Variants in CNKSR2 observed in about 807,000 individuals in gnomAD.
The protein encoded by CNKSR2 is CNK homolog protein 2.
In CNKSR2, 14 loss-of-function variants were observed where a neutral mutation model predicts 84.4. The observed-to-expected ratio is 0.17, with a 90% CI of 0.11 to 0.26. The LOEUF (loss-of-function observed/expected upper bound fraction) is 0.26. CNKSR2 is among the 10% of genes least tolerant of loss of function. The probability of loss-of-function intolerance (pLI) is 1.00; values close to 1 mark genes in which losing one functional copy is unlikely to be tolerated. For missense variants in CNKSR2, 485 were observed against 771.2 expected (o/e 0.63, Z 4.40); for synonymous variants, 275 against 277.9 (o/e 0.99, Z 0.10).
intron 1 of CNKSR2, 108 bp from the exon 2 acceptor site, chrX:21,426,389 G>C: frequency 1.4e-6 from 1 of 719,771 alleles, no homozygotes; most frequent in Non-Finnish European, 2.1e-6. Context: ...AGTTAAAATG[G>C]ACTTAATTTG....
chrX:21,451,794 C>T (rs1048121169), intron 4 of CNKSR2, among the ~76,000 whole-genome samples: 19 of 107,901 alleles, frequency 1.8e-4, no homozygotes, highest in South Asian at 8.4e-4. Context: ...CACATGTATA[C>T]GTATGTAACT....
At chrX:21,482,648 C>T (rs1249381574) in intron 5 of CNKSR2, among the ~76,000 whole-genome samples, 1 of 112,011 alleles carries the variant, frequency 8.9e-6, no homozygotes, top group Non-Finnish European at 1.9e-5. Context: ...GTCATTGCTT[C>T]TTTTCTGTTA....
At chrX:21,456,364 T>C (rs2090995380) in intron 4 of CNKSR2, among the ~76,000 whole-genome samples, 1 of 111,535 alleles carries the variant, frequency 9.0e-6, no homozygotes, top group Admixed American at 9.5e-5. Flanking sequence ...TTGACCATTA[T>C]CTCCTCCCAC....
At chrX:21,585,890 G>T (rs751466089) in intron 13 of CNKSR2, among the ~76,000 whole-genome samples, 1 of 111,727 alleles carries the variant, frequency 9.0e-6, no homozygotes, top group South Asian at 3.7e-4. Flanking sequence ...TAGAGAATTG[G>T]ACTTCAAAAA....
chrX:21,501,598 ATTAAC>A lies in CNKSR2; in HGVS notation c.810+15_810+19del. The A allele has an allele frequency of 1.9e-6, 2 of 1,072,071 alleles. No individual in the cohort carries two copies. The highest frequency in any genetic ancestry group is 2.5e-6 in the Non-Finnish European group (2 of 788,729). 88.4% of individuals were successfully genotyped at this position (1,072,071 alleles called of 1,213,427 possible). A position where few individuals can be genotyped will look rare whatever the true frequency, so the allele number is the denominator to read the frequency against. On this transcript the variant is annotated intron_variant, in intron 8 of 21. Coordinates refer to ENST00000379510, the MANE Select transcript of CNKSR2 (RefSeq NM_014927.5). ...TAATCATCAGACTGTGGTATGTATA[ATTAAC>A]TTAAGAGTCAGTGGGAGGAACTAAT...
intron 4 of CNKSR2, among the ~76,000 whole-genome samples, chrX:21,467,606 A>G (rs758151943): frequency 8.9e-6 from 1 of 111,860 alleles, no homozygotes; most frequent in Non-Finnish European, 1.9e-5. Context: ...CGTAAGTGCT[A>G]CAACCTTACC....
chrX:21,624,856 A>T (rs2092616324), intron 20 of CNKSR2, among the ~76,000 whole-genome samples: 2 of 112,431 alleles, frequency 1.8e-5, no homozygotes, highest in African/African-American at 6.5e-5. Context: ...AAAATCAGAG[A>T]TTATCTTAAA....
At chrX:21,508,265 G>A (rs2091634692) in intron 8 of CNKSR2, among the ~76,000 whole-genome samples, 1 of 112,329 alleles carries the variant, frequency 8.9e-6, no homozygotes, top group African/African-American at 3.2e-5. Context: ...AGAAATTCAA[G>A]GTTGCAGAGG....
At chrX:21,475,174 A>T (rs1461852745) in intron 5 of CNKSR2, among the ~76,000 whole-genome samples, 1 of 111,774 alleles carries the variant, frequency 8.9e-6, no homozygotes, top group East Asian at 2.8e-4. Flanking sequence ...ATTTTAGAGT[A>T]ACTGACGGAG....
intron 1 of CNKSR2, among the ~76,000 whole-genome samples, chrX:21,386,018 CAAAAAAAA>C (rs1179082753): frequency 2.4e-4 from 5 of 20,457 alleles, no homozygotes; most frequent in South Asian, 3.4e-3. Context: ...TGGATGTAGG[CAAAAAAAA>C]AAAAAAAAAA....
At chrX:21,380,231 A>T (rs910242028) in intron 1 of CNKSR2, among the ~76,000 whole-genome samples, 1 of 112,087 alleles carries the variant, frequency 8.9e-6, no homozygotes, top group Admixed American at 9.4e-5. Flanking sequence ...CAGCTGTTTC[A>T]AATCTGTTTT....
chrX:21,438,987 A>G (rs2090747449), intron 3 of CNKSR2, among the ~76,000 whole-genome samples: 1 of 111,632 alleles, frequency 9.0e-6, no homozygotes, highest in Non-Finnish European at 1.9e-5. Context: ...AGACAAATCC[A>G]CAGTTGTAGA....
chrX:21,399,862 G>A (rs1012775076), intron 1 of CNKSR2, among the ~76,000 whole-genome samples: 5 of 111,316 alleles, frequency 4.5e-5, no homozygotes, highest in African/African-American at 1.3e-4. Flanking sequence ...ATGAATTTTG[G>A]TATATAATAA....
intron 1 of CNKSR2, among the ~76,000 whole-genome samples, chrX:21,384,567 C>T (rs1330316664): frequency 8.9e-6 from 1 of 111,834 alleles, no homozygotes; most frequent in Non-Finnish European, 1.9e-5. Context: ...GATAATTTCA[C>T]TGTGCTCCTA....
intron 2 of CNKSR2, chrX:21,429,905 TA>T (rs2090612844): frequency 9.0e-6 from 1 of 111,009 alleles, no homozygotes; most frequent in Non-Finnish European, 1.9e-5. Context: ...ATCAAAAAAA[TA>T]AAATAAAATA....
Position 21,374,885 on chromosome X carries a change from C to G in CNKSR2, c.-13C>G, listed in dbSNP as rs755253290. On this transcript the variant is annotated 5_prime_UTR_variant, in exon 1 of 22. Coordinates refer to ENST00000379510, the MANE Select transcript of CNKSR2 (RefSeq NM_014927.5). Reference sequence around the variant, plus strand: ...CTGAGCTCTGCGCTCTGCACGGAACCGACCCCGTACCCATGGCTCTGATAA... The same window carrying G: ...CTGAGCTCTGCGCTCTGCACGGAACGGACCCCGTACCCATGGCTCTGATAA... The G allele has an allele frequency of 8.3e-6, 10 of 1,204,380 alleles. No individual in the cohort carries two copies. The highest frequency in any genetic ancestry group is 3.5e-5 in the South Asian group (2 of 56,717).
intron 7 of CNKSR2, 42 bp from the exon 8 acceptor site, chrX:21,501,478 T>C: frequency 1.1e-6 from 1 of 880,768 alleles, no homozygotes; most frequent in Admixed American, 2.5e-5. Flanking sequence ...AAATGACTGA[T>C]AAAATTTATG....
intron 18 of CNKSR2, chrX:21,606,511 A>C (rs1602021981): frequency 4.0e-6 from 1 of 251,009 alleles, no homozygotes; most frequent in East Asian, 7.1e-5. Context: ...GAGCTCATGC[A>C]GTACGTTCTT....
chrX:21,531,899 A>G lies in CNKSR2; in HGVS notation c.1135A>G (p.Met379Val). Reference protein sequence around the residue: ...NLPCEDLRGHMVGKPVHKGSE... With the variant: ...NLPCEDLRGHVVGKPVHKGSE... Reference sequence around the variant, plus strand: ...TCCTTGTGAAGACCTCAGAGGACATATGGTGGGCAAGCCAGTGCATAAGGG... The same window carrying G: ...TCCTTGTGAAGACCTCAGAGGACATGTGGTGGGCAAGCCAGTGCATAAGGG... Residue 379 changes from methionine (M) to valine (V), a missense_variant, in exon 11 of 22, where the codon ATG (methionine) becomes GTG (valine). By Grantham distance (21) the Met-to-Val change is conservative. Coordinates refer to ENST00000379510, the MANE Select transcript of CNKSR2 (RefSeq NM_014927.5). 3 of 1,207,527 alleles carry G rather than the reference A, an allele frequency of 2.5e-6. No homozygotes were observed. The highest frequency in any genetic ancestry group is 3.4e-6 in the Non-Finnish European group (3 of 892,399).
Sources: allele counts gnomAD v4.1 joint callset (sites outside exome capture counted in the v4.1 genomes callset), GRCh38; gene constraint gnomAD v4.1.1; transcripts MANE v1.5; gene names NCBI Gene and HGNC (gene_info 2026-07-23, HGNC 2026-07-21).